The following CPVL variants were observed in gnomAD, a reference collection of about 807,000 sequenced individuals.
The protein encoded by CPVL is probable serine carboxypeptidase CPVL.
CPVL carries 51 observed loss-of-function variants against 63.7 expected under a neutral mutation model. The observed-to-expected ratio is 0.80, with a 90% CI of 0.64 to 1.01. The LOEUF (loss-of-function observed/expected upper bound fraction) is 1.01. Ranked by LOEUF, CPVL falls within the 50% of genes least tolerant of loss-of-function variation. The pLI, the probability that CPVL is intolerant of heterozygous loss-of-function variation, is 0.00. For synonymous variants in CPVL, 195 were observed against 206.0 expected, an observed-to-expected ratio of 0.95 and a Z score of 0.46; for missense variants, 530 against 573.1, an observed-to-expected ratio of 0.92 and a Z score of 0.77.
rs183887384 is a variant in CPVL, at chr7:29,043,787, C to T, written c.1138-13028G>A. 3.6e-4 allele frequency among the ~76,000 whole-genome samples: 55 copies of T among 152,198 alleles called. 1 individual carries two copies. In the East Asian group the frequency reaches 9.5e-3, roughly 26 times the overall value. ...TACAACATAGACCAGGCAAATCCAACGAAAAAGCCCTAGGAAGAGCCCAGA... is the reference window on the plus strand; with the variant it reads ...TACAACATAGACCAGGCAAATCCAATGAAAAAGCCCTAGGAAGAGCCCAGA... On this transcript the variant is annotated intron_variant, in intron 11 of 12. Transcript: ENST00000265394.
At chr7:29,061,148 C>T (rs542349545) in intron 11 of CPVL, among the ~76,000 whole-genome samples, 6 of 152,312 alleles carry the variant, frequency 3.9e-5, no homozygotes, top group African/African-American at 1.4e-4. Flanking sequence ...TGGCTCACAC[C>T]TGTAATCCCA....
chr7:29,004,564 GGAA>G (rs1283655732), intron 12 of CPVL, among the ~76,000 whole-genome samples: 8 of 152,208 alleles, frequency 5.3e-5, no homozygotes, highest in African/African-American at 2.4e-5. Context: ...CAGGATAATA[GGAA>G]GCCATTTGGC....
At chr7:29,078,818 T>C (rs1784445367) in intron 7 of CPVL, among the ~76,000 whole-genome samples, 1 of 152,232 alleles carries the variant, frequency 6.6e-6, no homozygotes, top group Non-Finnish European at 1.5e-5. Context: ...TATGCCCTTG[T>C]TCAGTTCTTC....
intron 11 of CPVL, among the ~76,000 whole-genome samples, chr7:29,054,759 T>A (rs1790538450): frequency 6.6e-6 from 1 of 152,196 alleles, no homozygotes; most frequent in South Asian, 2.1e-4. Context: ...CATATAGTAT[T>A]CTCTTCTTAA....
intron 1 of CPVL, among the ~76,000 whole-genome samples, chr7:29,131,165 C>T (rs753370448): frequency 2.0e-5 from 3 of 151,498 alleles, no homozygotes; most frequent in Admixed American, 1.3e-4. Context: ...AGTGAGACTC[C>T]GTCTCAAAAA....
At chr7:29,146,343 G>C in intron 1 of CPVL, 86 bp downstream of exon 1, 1 of 512,998 alleles carries the variant, frequency 1.9e-6, no homozygotes, top group Admixed American at 3.7e-5. Flanking sequence ...GAGACTACCT[G>C]CCCCGCGCTC....
At chr7:29,194,865 C>G (rs566017027) in intron 1 of CPVL, 31 of 1,300,508 alleles carry the variant, frequency 2.4e-5, no homozygotes, top group South Asian at 8.0e-5. Flanking sequence ...GCGGAGGCTG[C>G]GAGCGGCCGG....
At chr7:29,178,088 AC>A (rs1797593812) in intron 5 of CPVL, among the ~76,000 whole-genome samples, 1 of 152,062 alleles carries the variant, frequency 6.6e-6, no homozygotes, top group Non-Finnish European at 1.5e-5. Context: ...GTCAGATTCT[AC>A]CCTAAGTCTG....
At chr7:29,105,435 G>A (rs75705004) in intron 3 of CPVL, among the ~76,000 whole-genome samples, 2,727 of 152,302 alleles carry the variant, frequency 0.018, 37 homozygotes, top group Non-Finnish European at 0.027. Flanking sequence ...GGAGAAGAAT[G>A]AAGCACAGAT....
At chr7:29,175,749 GAAAAAAACAAAAC>G (rs1228005538) in intron 5 of CPVL, among the ~76,000 whole-genome samples, 3 of 151,816 alleles carry the variant, frequency 2.0e-5, no homozygotes, top group African/African-American at 7.3e-5. Flanking sequence ...GGAGCACAGG[GAAAAAAACAAAAC>G]AAAAAAACAG....
intron 2 of CPVL, among the ~76,000 whole-genome samples, chr7:29,186,202 A>T (rs739931): frequency 0.022 from 3,323 of 152,178 alleles, 248 homozygotes; most frequent in East Asian, 0.15. Context: ...CAGGAGTACA[A>T]GTCCTATGAG....
At chr7:29,032,521 C>T (rs1248459867) in intron 11 of CPVL, among the ~76,000 whole-genome samples, 1 of 152,160 alleles carries the variant, frequency 6.6e-6, no homozygotes, top group African/African-American at 2.4e-5. Context: ...TCTGCAAAAC[C>T]TCCTATAGTT....
rs1305422920 is a variant in CPVL, at chr7:29,140,229, TA to T, written c.-11+6199del. Among the ~76,000 whole-genome samples, 5 of 152,238 alleles carry T rather than the reference TA, an allele frequency of 3.3e-5. No homozygotes were observed. The South Asian group carries it at 1.0e-3, about 32-fold the overall frequency. On this transcript the variant is annotated intron_variant, in intron 1 of 12. Coordinates refer to ENST00000265394, the MANE Select transcript of CPVL (RefSeq NM_031311.5). ...CCGAGGCAGGAGGATTATTTGAGCC[TA>T]GGAGTTCAAGACCAGCCTACGCAAT...
At chr7:29,043,018 G>T (rs187085732) in intron 11 of CPVL, among the ~76,000 whole-genome samples, 105 of 152,262 alleles carry the variant, frequency 6.9e-4, no homozygotes, top group African/African-American at 2.4e-3. Context: ...TTGAATAAAG[G>T]TTACTTTGCC....
intron 12 of CPVL, among the ~76,000 whole-genome samples, chr7:29,025,070 C>T (rs1787360417): frequency 3.9e-5 from 6 of 152,160 alleles, no homozygotes; most frequent in Admixed American, 3.9e-4. Context: ...TCTCACCTAT[C>T]AGTAATAACT....
intron 1 of CPVL, chr7:29,194,026 G>C (rs1441063745): frequency 6.6e-6 from 1 of 152,306 alleles, no homozygotes; most frequent in Admixed American, 6.5e-5. Context: ...GGACAATTTG[G>C]AGAGGAGTGG....
intron 3 of CPVL, among the ~76,000 whole-genome samples, chr7:29,106,170 G>A (rs1377855598): frequency 1.3e-5 from 2 of 152,156 alleles, no homozygotes; most frequent in Non-Finnish European, 2.9e-5. Context: ...AGGAGGCTGG[G>A]AGCCTGCTTG....
At chr7:29,071,619 A>G (rs759571247) in intron 9 of CPVL, among the ~76,000 whole-genome samples, 154 bp downstream of exon 9, 11 of 152,190 alleles carry the variant, frequency 7.2e-5, no homozygotes, top group Non-Finnish European at 1.5e-4. Context: ...CTTCATTATG[A>G]GGCCACTCAA....
chr7:29,143,772 T>C (rs1226112350), intron 1 of CPVL, among the ~76,000 whole-genome samples: 1 of 152,228 alleles, frequency 6.6e-6, no homozygotes, highest in African/African-American at 2.4e-5. Context: ...ATTTGCTTTT[T>C]CAGGCTCCAA....
Sources: allele counts gnomAD v4.1 joint callset (sites outside exome capture counted in the v4.1 genomes callset), GRCh38; gene constraint gnomAD v4.1.1; transcripts MANE v1.5; gene names NCBI Gene and HGNC (gene_info 2026-07-23, HGNC 2026-07-21).